DLGAP4: variants seen among roughly 807,000 people sequenced by gnomAD.
DLGAP4 encodes DLG associated protein 4.
DLGAP4 carries 18 observed loss-of-function variants against 86.9 expected under a neutral mutation model. The observed-to-expected ratio is 0.21, with a 90% confidence interval of 0.14 to 0.31. The LOEUF is 0.31. Ranked by LOEUF, DLGAP4 falls within the 10% of genes least tolerant of loss-of-function variation. The pLI is 1.00. For synonymous variants in DLGAP4, 548 were observed against 574.3 expected (o/e 0.95, Z 0.65); for missense variants, 1,085 against 1,362.6 (o/e 0.80, Z 3.21).
At chr20:36,445,484 A>G (rs929465293) in intron 6 of DLGAP4, among the ~76,000 whole-genome samples, 1 of 152,180 alleles carries the variant, frequency 6.6e-6, no homozygotes, top group Non-Finnish European at 1.5e-5. Context: ...AGCCTGGGAG[A>G]CAAAGCGAGA....
At chr20:36,375,615 T>A (rs1460935347) in intron 2 of DLGAP4, among the ~76,000 whole-genome samples, 1 of 152,214 alleles carries the variant, frequency 6.6e-6, no homozygotes, top group East Asian at 1.9e-4. Context: ...GAGAGGTAAG[T>A]GCTGATCACT....
At chr20:36,315,050 GCCCCCCC>G (rs1176996057) in intron 1 of DLGAP4, among the ~76,000 whole-genome samples, 139,361 of 140,426 alleles carry the variant, frequency 0.99, 69,148 homozygotes, top group Non-Finnish European at 0.99. Flanking sequence ...GGTGTGTTGC[GCCCCCCC>G]GTGTGTGGTG....
At chr20:36,495,559 G>A (rs2035852469) in intron 7 of DLGAP4, among the ~76,000 whole-genome samples, 1 of 152,210 alleles carries the variant, frequency 6.6e-6, no homozygotes, top group Non-Finnish European at 1.5e-5. Flanking sequence ...ACTTTCTATT[G>A]CCAACAGAGT....
chr20:36,484,099 CTG>C (rs778664973), intron 7 of DLGAP4, among the ~76,000 whole-genome samples: 1 of 152,224 alleles, frequency 6.6e-6, no homozygotes, highest in African/African-American at 2.4e-5. Context: ...CACTTCCTGT[CTG>C]TGTAATCCTG....
At chr20:36,352,243 A>C (rs1451492261) in intron 1 of DLGAP4, among the ~76,000 whole-genome samples, 1 of 152,204 alleles carries the variant, frequency 6.6e-6, no homozygotes, top group Non-Finnish European at 1.5e-5. Flanking sequence ...CATGGGGACC[A>C]GACCTTGTGG....
chr20:36,508,645 C>G (rs192572917), intron 10 of DLGAP4, among the ~76,000 whole-genome samples: 1 of 152,190 alleles, frequency 6.6e-6, no homozygotes, highest in Non-Finnish European at 1.5e-5. Flanking sequence ...TCAGGCTGGT[C>G]TTGAACTCCC....
At chr20:36,474,149 G>A (rs1378235594) in intron 7 of DLGAP4, among the ~76,000 whole-genome samples, 1 of 152,244 alleles carries the variant, frequency 6.6e-6, no homozygotes, top group Non-Finnish European at 1.5e-5. Flanking sequence ...TGACATCCAG[G>A]GGGAAAGAGA....
chr20:36,427,811 TGC>T (rs2033019144), intron 2 of DLGAP4, among the ~76,000 whole-genome samples: 1 of 151,630 alleles, frequency 6.6e-6, no homozygotes, highest in Non-Finnish European at 1.5e-5. Context: ...GGCGTGGTGG[TGC>T]GTGCCTATAA....
At chr20:36,429,398 C>CTTTTTTTTTTTTTTTTT (rs151254062) in intron 2 of DLGAP4, among the ~76,000 whole-genome samples, 1 of 76,036 alleles carries the variant, frequency 1.3e-5, no homozygotes, top group African/African-American at 5.1e-5. Context: ...TTCTTTTTTT[C>CTTTTTTTTTTTTTTTTT]TTTTTTTTTT....
chr20:36,317,076 A>G (rs1342602076), intron 1 of DLGAP4, among the ~76,000 whole-genome samples: 5 of 152,178 alleles, frequency 3.3e-5, no homozygotes, highest in Non-Finnish European at 5.9e-5. Flanking sequence ...ACTAATATGA[A>G]TATCTGTTAT....
intron 1 of DLGAP4, among the ~76,000 whole-genome samples, chr20:36,365,516 G>A (rs1228995612): frequency 1.3e-5 from 2 of 152,136 alleles, no homozygotes; most frequent in Non-Finnish European, 2.9e-5. Flanking sequence ...TGTTGTCCCT[G>A]GGGGAGGCTG....
chr20:36,452,979 T>C (rs2033779730), intron 7 of DLGAP4, among the ~76,000 whole-genome samples: 1 of 151,918 alleles, frequency 6.6e-6, no homozygotes, highest in Non-Finnish European at 1.5e-5. Context: ...ACTGCAGGCA[T>C]GCGCCACCAT....
rs890320338 is a variant in DLGAP4 at position 36,500,109 on chromosome 20, C to T, written c.2100-90C>T. ...ATGATGCATCCGTTTCTCTGTCTCC[C>T]GTGTGTCCGGGTCAAGGCGGCCTCT... On this transcript the variant is annotated intron_variant, in intron 9 of 12. Coordinates refer to ENST00000339266, the MANE Select transcript of DLGAP4 (RefSeq NM_001365621.2). The surrounding 1 kb of genome is among the most constrained non-coding windows in gnomAD (Gnocchi z 4.6). The T allele has an allele frequency of 2.7e-5, 38 of 1,390,202 alleles. No individual in the cohort carries two copies. In the South Asian group the frequency reaches 2.7e-4, roughly 10 times the overall value. 86.1% of individuals were successfully genotyped at this position (1,390,202 alleles called of 1,614,324 possible).
chr20:36,426,050 C>G (rs1485848567), intron 2 of DLGAP4, among the ~76,000 whole-genome samples: 1 of 152,136 alleles, frequency 6.6e-6, no homozygotes, highest in Non-Finnish European at 1.5e-5. Context: ...GAATATGATG[C>G]AGCCATAAAA....
At chr20:36,456,796 T>C (rs1007272133) in intron 7 of DLGAP4, among the ~76,000 whole-genome samples, 2 of 152,206 alleles carry the variant, frequency 1.3e-5, no homozygotes, top group Non-Finnish European at 2.9e-5. Context: ...AATCCCAGGA[T>C]TGAGACTCTT....
intron 7 of DLGAP4, among the ~76,000 whole-genome samples, chr20:36,471,831 G>T (rs1274650698): frequency 6.6e-6 from 1 of 152,192 alleles, no homozygotes; most frequent in African/African-American, 2.4e-5. Flanking sequence ...ATTGGTAGGT[G>T]TCTCCTCTTG....
intron 10 of DLGAP4, among the ~76,000 whole-genome samples, chr20:36,520,371 A>C (rs187286139): frequency 6.0e-5 from 9 of 150,826 alleles, no homozygotes; most frequent in Middle Eastern, 3.5e-3. Flanking sequence ...TATGAGACAG[A>C]GTCTCACTCT....
At chr20:36,371,020 C>T (rs2030909178) in intron 2 of DLGAP4, among the ~76,000 whole-genome samples, 2 of 152,158 alleles carry the variant, frequency 1.3e-5, no homozygotes, top group Admixed American at 6.5e-5. Flanking sequence ...CCCCATTTTA[C>T]AAATGAGAGG....
intron 7 of DLGAP4, among the ~76,000 whole-genome samples, chr20:36,466,925 GCTCT>G (rs545978839): frequency 3.4e-4 from 45 of 131,014 alleles, no homozygotes; most frequent in East Asian, 4.5e-4. Flanking sequence ...TCTCGCTCTT[GCTCT>G]CTCTCTCTCT....
Sources: gnomAD v4.1 joint callset for allele counts (sites outside exome capture counted in the v4.1 genomes callset) on GRCh38, gnomAD v4.1.1 for gene constraint, Gnocchi (gnomAD v3.1) non-coding constraint, MANE v1.5 for transcripts, NCBI Gene and HGNC (gene_info 2026-07-23, HGNC 2026-07-21) for gene names.